NOL4: variants seen among roughly 807,000 people sequenced by gnomAD.
NOL4 encodes cancer/testis antigen 125.
A neutral mutation model predicts 75.9 loss-of-function variants in NOL4; 17 were observed. The observed-to-expected ratio is 0.22, with a 90% CI of 0.15 to 0.34. The LOEUF (loss-of-function observed/expected upper bound fraction) is 0.34, where lower values mean the gene tolerates loss of function less well. NOL4 is among the 10% of genes least tolerant of loss of function. The probability of loss-of-function intolerance (pLI) is 1.00; values close to 1 mark genes in which losing one functional copy is unlikely to be tolerated. For missense variants in NOL4, 614 were observed against 793.5 expected, an observed-to-expected ratio of 0.77 and a Z score of 2.72; for synonymous variants, 292 against 289.9, an observed-to-expected ratio of 1.01 and a Z score of -0.07.
chr18:34,046,621 T>TATATATA (rs2076387010), intron 5 of NOL4, among the ~76,000 whole-genome samples: 1 of 134,684 alleles, frequency 7.4e-6, no homozygotes, highest in African/African-American at 2.7e-5. Context: ...TATATATATA[T>TATATATA]ATATATATAT....
rs926689296 is a variant in NOL4, at chr18:33,852,128, C to G, written c.*714G>C. 1 of 152,414 alleles carries G rather than the reference C, an allele frequency of 6.6e-6. No homozygotes were observed. Among genetic ancestry groups the G allele is most frequent in the African/African-American group, 2.4e-5 (1 of 41,396 alleles). 9.4% of individuals were successfully genotyped at this position (152,414 alleles called of 1,614,324 possible). A position where few individuals can be genotyped will look rare whatever the true frequency, so the allele number is the denominator to read the frequency against. On this transcript the variant is annotated 3_prime_UTR_variant, in exon 11 of 11. Coordinates refer to ENST00000261592, the MANE Select transcript of NOL4 (RefSeq NM_003787.5). ...AGCATGAGAGCAGAAATGCAGGCTT[C>G]TCTTGGAAGTAGTTCCTGATGTGAC... is the stretch of plus-strand genomic sequence containing the variant.
intron 9 of NOL4, among the ~76,000 whole-genome samples, chr18:33,915,550 G>C (rs114204290): frequency 6.6e-6 from 1 of 152,012 alleles, no homozygotes; most frequent in African/African-American, 2.4e-5. Context: ...AGAGGCGATG[G>C]GATGCAGTAA....
chr18:34,055,474 A>C (rs1452224962), intron 5 of NOL4, among the ~76,000 whole-genome samples: 3 of 152,150 alleles, frequency 2.0e-5, no homozygotes. Flanking sequence ...AAATTATCTG[A>C]TAATCTTATA....
At chr18:34,099,624 A>G (rs935907521) in intron 4 of NOL4, among the ~76,000 whole-genome samples, 2 of 152,202 alleles carry the variant, frequency 1.3e-5, no homozygotes, top group South Asian at 2.1e-4. Flanking sequence ...TATTGCATGT[A>G]TTCTAGTATT....
intron 6 of NOL4, among the ~76,000 whole-genome samples, chr18:34,012,615 A>G (rs74545087): frequency 0.023 from 3,454 of 152,042 alleles, 54 homozygotes; most frequent in Non-Finnish European, 0.027. Context: ...AGAGCTGTTA[A>G]AAGAACCACT....
chr18:34,210,707 C>T (rs1488356328), intron 1 of NOL4, among the ~76,000 whole-genome samples: 1 of 152,120 alleles, frequency 6.6e-6, no homozygotes, highest in Non-Finnish European at 1.5e-5. Context: ...AGTGTTATAG[C>T]CATTCTGTCA....
intron 10 of NOL4, among the ~76,000 whole-genome samples, chr18:33,879,737 T>C (rs1029910148): frequency 2.0e-5 from 3 of 151,808 alleles, no homozygotes; most frequent in Non-Finnish European, 2.9e-5. Flanking sequence ...GGATGAGCTA[T>C]AATTTAATCA....
intron 5 of NOL4, chr18:34,023,637 G>A: frequency 3.2e-6 from 1 of 316,042 alleles, no homozygotes; most frequent in Admixed American, 3.3e-5. Flanking sequence ...TGGAAAATAA[G>A]AGTGCCCAGG....
chr18:34,042,760 C>T (rs777246607), intron 5 of NOL4, among the ~76,000 whole-genome samples: 17 of 152,052 alleles, frequency 1.1e-4, no homozygotes, highest in East Asian at 5.8e-4. Flanking sequence ...ATCTCATGTG[C>T]TAAAGCCTTC....
intron 5 of NOL4, among the ~76,000 whole-genome samples, chr18:34,052,900 C>T (rs1216765333): frequency 6.6e-6 from 1 of 151,868 alleles, no homozygotes; most frequent in African/African-American, 2.4e-5. Context: ...ACCAGAAAAG[C>T]TAATTTTGAA....
chr18:34,159,235 C>G (rs374683354), intron 1 of NOL4, among the ~76,000 whole-genome samples: 1 of 152,196 alleles, frequency 6.6e-6, no homozygotes, highest in Non-Finnish European at 1.5e-5. Context: ...GCTCCGGGCG[C>G]CGCGCTCCGC....
At chr18:34,064,163 GTGAGCATTAT>G (rs1466467186) in intron 5 of NOL4, among the ~76,000 whole-genome samples, 2 of 152,006 alleles carry the variant, frequency 1.3e-5, no homozygotes, top group Admixed American at 6.6e-5. Flanking sequence ...TTGGTGCAAG[GTGAGCATTAT>G]TGAAAGATAG....
At chr18:33,934,185 G>C (rs2067898504) in intron 9 of NOL4, among the ~76,000 whole-genome samples, 1 of 151,566 alleles carries the variant, frequency 6.6e-6, no homozygotes, top group African/African-American at 2.4e-5. Flanking sequence ...GGCCTCAACA[G>C]TGGGCTTAAA....
intron 5 of NOL4, among the ~76,000 whole-genome samples, chr18:34,045,579 A>G (rs1270555590): frequency 3.3e-5 from 5 of 152,122 alleles, no homozygotes; most frequent in Non-Finnish European, 7.4e-5. Context: ...ATCCCCACAC[A>G]CCATGTTATC....
At chr18:33,974,533 A>G (rs1428495464) in intron 6 of NOL4, among the ~76,000 whole-genome samples, 1 of 152,198 alleles carries the variant, frequency 6.6e-6, no homozygotes, top group Non-Finnish European at 1.5e-5. Flanking sequence ...TATTTATTTC[A>G]TCATCTTATA....
chr18:33,998,075 A>C (rs1401693103), intron 6 of NOL4, among the ~76,000 whole-genome samples: 1 of 152,070 alleles, frequency 6.6e-6, no homozygotes, highest in Non-Finnish European at 1.5e-5. Flanking sequence ...AGAATAGAAA[A>C]ATCTACAGAG....
At chr18:33,910,277 G>C (rs1412930825) in intron 9 of NOL4, among the ~76,000 whole-genome samples, 1 of 152,114 alleles carries the variant, frequency 6.6e-6, no homozygotes, top group Admixed American at 6.6e-5. Flanking sequence ...TACCCACTGT[G>C]AACTTAAGTA....
chr18:34,058,172 C>T (rs1281047686), intron 5 of NOL4, among the ~76,000 whole-genome samples: 1 of 152,140 alleles, frequency 6.6e-6, no homozygotes, highest in African/African-American at 2.4e-5. Context: ...CTCACTCTGT[C>T]ACCCAGGCTG....
At chr18:34,093,625 G>A in intron 4 of NOL4, 28 bp from the exon 5 acceptor site, 2 of 1,517,654 alleles carry the variant, frequency 1.3e-6, no homozygotes, top group Admixed American at 1.9e-5. Flanking sequence ...ATATCATCAA[G>A]CATTTTAACG....
Sources: allele counts gnomAD v4.1 joint callset (sites outside exome capture counted in the v4.1 genomes callset), GRCh38; gene constraint gnomAD v4.1.1; transcripts MANE v1.5; gene names NCBI Gene and HGNC (gene_info 2026-07-23, HGNC 2026-07-21).